Variants in CDH23 observed in about 807,000 individuals in gnomAD.
CDH23 encodes the protein cadherin-23.
Under a neutral mutation model 317.1 loss-of-function variants are expected in CDH23, and 189 were observed. The observed-to-expected ratio is 0.60, with a 90% CI of 0.53 to 0.67. CDH23 has a LOEUF of 0.67. Among genes scored for constraint, CDH23 ranks in the 30% least tolerant of loss-of-function variants. The pLI is 0.00. For synonymous variants in CDH23, 1,839 were observed against 1,876.8 expected, an observed-to-expected ratio of 0.98 and a Z score of 0.52; for missense variants, 4,401 against 4,592.4, an observed-to-expected ratio of 0.96 and a Z score of 1.20.
At chr10:71,536,181 C>A (rs201651971) in intron 6 of CDH23, among the ~76,000 whole-genome samples, 2 of 152,258 alleles carry the variant, frequency 1.3e-5, no homozygotes, top group Non-Finnish European at 2.9e-5. Flanking sequence ...GGGAGGGTTA[C>A]TCCATGGAGA....
intron 38 of CDH23, among the ~76,000 whole-genome samples, chr10:71,763,676 C>A (rs560052428): frequency 3.6e-4 from 55 of 152,366 alleles, no homozygotes; most frequent in African/African-American, 1.3e-3. Context: ...ATGAAAACAT[C>A]TCCCTGGCAG....
intron 1 of CDH23, among the ~76,000 whole-genome samples, chr10:71,417,098 C>T (rs1354599396): frequency 1.1e-4 from 16 of 142,920 alleles, no homozygotes; most frequent in Admixed American, 2.2e-4. Flanking sequence ...TAAATTGAGA[C>T]GGAGTCTGGC....
Position 71,643,959 on chromosome 10 carries a change from C to T in CDH23, c.1140+93C>T, listed in dbSNP as rs1009112784. ...GCTTTGAAAAGGGCACAGCTCAGCC[C>T]TCCCCCACCCTCTCAGGCCCCCAGC... is the stretch of plus-strand genomic sequence containing the variant. On this transcript the variant is annotated intron_variant, in intron 12 of 69. Transcript: ENST00000224721. The T allele has an allele frequency of 1.2e-5, 9 of 738,888 alleles. No homozygotes were observed. In the Admixed American group the frequency reaches 1.6e-4, roughly 13 times the overall value. The allele number at this position is 738,888 out of a possible 1,614,324, so 45.8% of individuals were successfully genotyped here. A position where few individuals can be genotyped will look rare whatever the true frequency, so the allele number is the denominator to read the frequency against.
intron 3 of CDH23, among the ~76,000 whole-genome samples, chr10:71,506,704 G>T (rs1003706169): frequency 1.3e-5 from 2 of 152,196 alleles, no homozygotes; most frequent in Admixed American, 1.3e-4. Context: ...GCAGAGCAGC[G>T]CTGGGCGGAG....
chr10:71,764,671 A>G (rs1276933988), intron 38 of CDH23, among the ~76,000 whole-genome samples: 3 of 151,848 alleles, frequency 2.0e-5, no homozygotes, highest in South Asian at 2.1e-4. Flanking sequence ...CGTCCGTACT[A>G]CTCCCTAATA....
chr10:71,681,034 G>T (rs1262894069), intron 17 of CDH23, among the ~76,000 whole-genome samples: 2 of 151,060 alleles, frequency 1.3e-5, no homozygotes, highest in South Asian at 2.1e-4. Flanking sequence ...GCTAATGTTG[G>T]CCAGGCTGGT....
rs183800753 is a variant in CDH23, at chr10:71,723,902, C to A, written c.3370-143C>A. 410 of 897,398 alleles carry A rather than the reference C, an allele frequency of 4.6e-4. 2 individuals carry two copies. The African/African-American group carries it at 5.4e-3, about 12-fold the overall frequency. 55.6% of individuals were successfully genotyped at this position (897,398 alleles called of 1,614,324 possible). On this transcript the variant is annotated intron_variant, in intron 28 of 69. Transcript: ENST00000224721. ...AAAGACATACACGTCCCCTTGTCTC[C>A]CACACCCCCAGCCTCTGAGGGAGAC... is the stretch of plus-strand genomic sequence containing the variant.
At position 71,793,067 on chromosome 10, in the gene CDH23, G is replaced by T. The variant is rs1309132557; in HGVS notation, c.6254-115G>T. On this transcript the variant is annotated intron_variant, in intron 47 of 69. Transcript: ENST00000224721. ...GTATGAAAAAGGTATAAAAGAAAAT[G>T]CTGTCAAGGCTGTCATGAGAAGGGG... 7.2e-6 allele frequency: 5 copies of T among 689,992 alleles called. No individual in the cohort carries two copies. The Admixed American group carries it at 9.4e-5, about 13-fold the overall frequency. 42.7% of individuals were successfully genotyped at this position (689,992 alleles called of 1,614,324 possible). A position where few individuals can be genotyped will look rare whatever the true frequency, so the allele number is the denominator to read the frequency against.
At chr10:71,705,700 G>A (rs143020540) in intron 25 of CDH23, among the ~76,000 whole-genome samples, 2 of 152,308 alleles carry the variant, frequency 1.3e-5, no homozygotes, top group Non-Finnish European at 2.9e-5. Context: ...ACGGGGTACT[G>A]TTTCCACTCT....
At chr10:71,778,066 T>G in intron 39 of CDH23, 123 bp from the exon 40 acceptor site, 2 of 1,473,080 alleles carry the variant, frequency 1.4e-6, no homozygotes, top group South Asian at 1.3e-5. Flanking sequence ...GAGCCTGGGC[T>G]AGGGGGTGGC....
At chr10:71,808,713 G>A (rs1337775602) in intron 60 of CDH23, among the ~76,000 whole-genome samples, 1 of 151,990 alleles carries the variant, frequency 6.6e-6, no homozygotes, top group East Asian at 1.9e-4. Context: ...CTGTGGCCTG[G>A]CATTCAAGGC....
chr10:71,812,840 T>G lies in CDH23; in HGVS notation c.9583T>G (p.Tyr3195Asp). The G allele has an allele frequency of 6.2e-7, 1 of 1,613,520 alleles. No homozygotes were observed. Among genetic ancestry groups the G allele is most frequent in the Non-Finnish European group, 8.5e-7 (1 of 1,179,722 alleles). Residue 3195 changes from tyrosine to aspartate, a missense_variant, in exon 68 of 70, where the codon TAT (tyrosine) becomes GAT (aspartate). Physicochemically the swap from Tyr to Asp is radical, Grantham distance 160. This residue lies in a region of CDH23 where 1,144 missense variants were observed against 1,138.2 expected (regional missense o/e 1.01). Transcript: ENST00000224721. The stretch of plus-strand genomic sequence containing the variant: ...ATACCTGCGGGCTGCCATCCAGGAG[T>G]ATGACAACATTGCCAAGCTGGGCCA... ...DRYLRAAIQE[Y>D]DNIAKLGQII... is the part of the protein sequence containing the mutation.
At chr10:71,510,736 T>C (rs1310245530) in intron 4 of CDH23, among the ~76,000 whole-genome samples, 1 of 152,162 alleles carries the variant, frequency 6.6e-6, no homozygotes, top group African/African-American at 2.4e-5. Context: ...GATGCTCGGC[T>C]TCTGTCTTTT....
chr10:71,703,562 C>T (rs573572931), intron 24 of CDH23, among the ~76,000 whole-genome samples: 136 of 152,300 alleles, frequency 8.9e-4, no homozygotes, highest in African/African-American at 2.8e-3. Context: ...CACTGTGTGT[C>T]GGTCACGAGG....
At chr10:71,667,695 G>T (rs1429696520) in intron 14 of CDH23, among the ~76,000 whole-genome samples, 1 of 152,080 alleles carries the variant, frequency 6.6e-6, no homozygotes, top group African/African-American at 2.4e-5. Flanking sequence ...ATGGAAAAGG[G>T]TGAGAGATGA....
chr10:71,738,893 C>T (rs1447299979), intron 35 of CDH23, among the ~76,000 whole-genome samples: 2 of 152,266 alleles, frequency 1.3e-5, no homozygotes, highest in Non-Finnish European at 2.9e-5. Flanking sequence ...CGCAACCCCT[C>T]AGTGAAGTTG....
intron 6 of CDH23, among the ~76,000 whole-genome samples, chr10:71,541,131 C>T (rs968595887): frequency 5.3e-5 from 8 of 152,158 alleles, no homozygotes; most frequent in Admixed American, 1.3e-4. Context: ...AGACAGTCAT[C>T]AGGCTCTTAT....
At chr10:71,779,517 G>A in intron 41 of CDH23, 70 bp downstream of exon 41, 1 of 1,377,930 alleles carries the variant, frequency 7.3e-7, no homozygotes, top group South Asian at 1.5e-5. Context: ...GGATAAGAAG[G>A]GAGGTCTCAA....
intron 6 of CDH23, among the ~76,000 whole-genome samples, chr10:71,512,558 G>A (rs964018353): frequency 1.3e-5 from 2 of 152,238 alleles, no homozygotes; most frequent in Non-Finnish European, 2.9e-5. Context: ...CAGAGTTAAT[G>A]AGCCTTGGAC....
Sources: gnomAD v4.1 joint callset for allele counts (sites outside exome capture counted in the v4.1 genomes callset) on GRCh38, gnomAD v4.1.1 for gene constraint, gnomAD v4.1.1 regional missense constraint, MANE v1.5 for transcripts, NCBI Gene and HGNC (gene_info 2026-07-23, HGNC 2026-07-21) for gene names.